The following RBFOX1 variants were observed in gnomAD, a reference collection of about 807,000 sequenced individuals.
RBFOX1 encodes the protein RNA binding protein fox-1 homolog 1.
Under a neutral mutation model 57.7 loss-of-function variants are expected in RBFOX1, and 8 were observed. The ratio of observed to expected loss-of-function variants is 0.14; its 90% CI spans 0.08 to 0.25. The LOEUF (loss-of-function observed/expected upper bound fraction) is 0.25, where lower values mean the gene tolerates loss of function less well. Among genes scored for constraint, RBFOX1 ranks in the 10% least tolerant of loss-of-function variants. The pLI is 1.00. For synonymous variants in RBFOX1, 326 were observed against 222.4 expected (o/e 1.47, Z -4.15); for missense variants, 611 against 548.5 (o/e 1.11, Z -1.14).
At chr16:7,630,363 C>T (rs1232499883) in intron 10 of RBFOX1, among the ~76,000 whole-genome samples, 1 of 151,476 alleles carries the variant, frequency 6.6e-6, no homozygotes, top group Non-Finnish European at 1.5e-5. Context: ...CCAGAGTCCG[C>T]TACACAACCC....
chr16:6,802,469 G>C (rs145965871), intron 3 of RBFOX1, among the ~76,000 whole-genome samples: 26 of 152,274 alleles, frequency 1.7e-4, no homozygotes, highest in African/African-American at 5.8e-4. Context: ...CTGAGGTCAG[G>C]AGTTTGAGAC....
At chr16:7,693,303 C>T (rs770339640) in intron 14 of RBFOX1, 3 of 1,612,584 alleles carry the variant, frequency 1.9e-6, no homozygotes, top group East Asian at 2.2e-5. Context: ...TGAATTTTAT[C>T]TTCTCTTCCA....
At chr16:6,131,485 G>A (rs1199931516) in intron 1 of RBFOX1, among the ~76,000 whole-genome samples, 2 of 152,108 alleles carry the variant, frequency 1.3e-5, no homozygotes, top group Admixed American at 1.3e-4. Context: ...TTATTTAAAT[G>A]CAGCTTCTGA....
intron 4 of RBFOX1, among the ~76,000 whole-genome samples, chr16:7,224,473 A>G (rs1430059432): frequency 1.4e-5 from 2 of 147,680 alleles, no homozygotes; most frequent in East Asian, 3.9e-4. Flanking sequence ...TCTTGGCTGC[A>G]AATGATCGAG....
chr16:6,924,671 C>G (rs76991908), intron 3 of RBFOX1, among the ~76,000 whole-genome samples: 3 of 149,482 alleles, frequency 2.0e-5, no homozygotes, highest in Admixed American at 6.7e-5. Flanking sequence ...TACCTTTATT[C>G]TTTTTTTTTT....
chr16:5,464,801 G>A (rs2068902639), intron 1 of RBFOX1, among the ~76,000 whole-genome samples: 1 of 152,200 alleles, frequency 6.6e-6, no homozygotes, highest in African/African-American at 2.4e-5. Flanking sequence ...GAGAAGGAGG[G>A]CTTGGAGATT....
chr16:7,700,822 G>A (rs1302891014), intron 14 of RBFOX1, among the ~76,000 whole-genome samples: 2 of 151,404 alleles, frequency 1.3e-5, no homozygotes, highest in Non-Finnish European at 2.9e-5. Flanking sequence ...AGAATAGGAA[G>A]AGGTTTTCAG....
intron 10 of RBFOX1, among the ~76,000 whole-genome samples, chr16:7,617,689 C>T (rs1014854383): frequency 2.6e-5 from 4 of 152,122 alleles, no homozygotes; most frequent in African/African-American, 4.8e-5. Context: ...ATTATAGTAT[C>T]GGGCGCTAGA....
At chr16:5,675,269 A>G (rs1201139780) in intron 3 of RBFOX1, among the ~76,000 whole-genome samples, 1 of 152,158 alleles carries the variant, frequency 6.6e-6, no homozygotes, top group Non-Finnish European at 1.5e-5. Flanking sequence ...AAGAGAGTGA[A>G]AACACATTTT....
rs143586484 is a variant in RBFOX1, at chr16:7,178,152, A to C, written c.27+126054A>C. Among the ~76,000 whole-genome samples the C allele has an allele frequency of 2.7e-3, 413 of 152,346 alleles. 3 individuals are homozygous for C. Among genetic ancestry groups the C allele is most frequent in the African/African-American group, 9.5e-3 (397 of 41,578 alleles). On this transcript the variant is annotated intron_variant, in intron 4 of 15. Transcript: ENST00000550418. ...CAGCAGCAACAACAACAACAAACAA[A>C]AAACATGTTTATTCCTTGCTCATGC...
chr16:5,273,680 C>G (rs1457521708), intron 1 of RBFOX1, among the ~76,000 whole-genome samples: 1 of 152,052 alleles, frequency 6.6e-6, no homozygotes, highest in East Asian at 1.9e-4. Flanking sequence ...ATAGTGAAGA[C>G]CTGTTATAGT....
chr16:6,790,303 G>T (rs1247690782), intron 3 of RBFOX1, among the ~76,000 whole-genome samples: 1 of 151,684 alleles, frequency 6.6e-6, no homozygotes. Context: ...TCCTGCCTCA[G>T]CTTACCGAGT....
At chr16:5,811,549 A>G (rs1878673761) in intron 3 of RBFOX1, among the ~76,000 whole-genome samples, 1 of 151,692 alleles carries the variant, frequency 6.6e-6, no homozygotes. Flanking sequence ...CTTCCAGGTT[A>G]AAGTGATTTT....
At chr16:6,857,066 G>T (rs1237035053) in intron 3 of RBFOX1, among the ~76,000 whole-genome samples, 1 of 152,060 alleles carries the variant, frequency 6.6e-6, no homozygotes, top group Non-Finnish European at 1.5e-5. Context: ...ATTGCTGGCT[G>T]GTTGTCTTTC....
At chr16:5,625,351 C>A (rs193196508) in intron 3 of RBFOX1, among the ~76,000 whole-genome samples, 4 of 152,012 alleles carry the variant, frequency 2.6e-5, no homozygotes, top group African/African-American at 9.7e-5. Context: ...CACTCTGATG[C>A]TCACTGCAGT....
At chr16:6,793,631 C>CA (rs2083384951) in intron 3 of RBFOX1, among the ~76,000 whole-genome samples, 2 of 151,854 alleles carry the variant, frequency 1.3e-5, no homozygotes, top group East Asian at 1.9e-4. Context: ...TACTGTTAAG[C>CA]AAAAAAAGAA....
At chr16:6,672,283 A>T (rs1471645188) in intron 3 of RBFOX1, among the ~76,000 whole-genome samples, 1 of 152,182 alleles carries the variant, frequency 6.6e-6, no homozygotes, top group Non-Finnish European at 1.5e-5. Flanking sequence ...TACATCCAAT[A>T]TAAATATACA....
intron 1 of RBFOX1, among the ~76,000 whole-genome samples, chr16:5,268,322 C>T (rs1005611520): frequency 6.6e-6 from 1 of 152,138 alleles, no homozygotes; most frequent in Non-Finnish European, 1.5e-5. Context: ...TAGCATCTTT[C>T]GTTTGAGAGA....
chr16:6,006,124 T>G (rs1167521713), intron 4 of RBFOX1, among the ~76,000 whole-genome samples: 1 of 152,242 alleles, frequency 6.6e-6, no homozygotes, highest in African/African-American at 2.4e-5. Flanking sequence ...TTGTATTGCC[T>G]AATTACTTGG....
Sources: gnomAD v4.1 joint callset for allele counts (sites outside exome capture counted in the v4.1 genomes callset) on GRCh38, gnomAD v4.1.1 for gene constraint, MANE v1.5 for transcripts, NCBI Gene and HGNC (gene_info 2026-07-23, HGNC 2026-07-21) for gene names.